The following HYCC1 variants were observed in gnomAD, a reference collection of about 807,000 sequenced individuals.
HYCC1 encodes hyccin PI4KA lipid kinase complex subunit 1, also known as hyccin.
At chr7:22,984,823 A>T in the HYCC1 span, among the ~76,000 whole-genome samples, 10 of 152,194 alleles carry the variant, frequency 6.6e-5, no homozygotes, top group Non-Finnish European at 1.5e-4. Context: ...AGAGAAAAAG[A>T]TATCCACACT....
the HYCC1 span, among the ~76,000 whole-genome samples, chr7:22,965,594 T>TAAAAAAAA: frequency 8.7e-6 from 1 of 114,706 alleles, no homozygotes; most frequent in Non-Finnish European, 1.9e-5. Context: ...ACATGGAAAC[T>TAAAAAAAA]AAAAAAAAAA....
the HYCC1 span, chr7:22,938,325 T>C: frequency 6.6e-6 from 1 of 152,232 alleles, no homozygotes; most frequent in Admixed American, 6.5e-5. Context: ...CCACTAATTC[T>C]GAACTATCAA....
At chr7:22,915,399 G>C in the HYCC1 span, among the ~76,000 whole-genome samples, 1 of 152,224 alleles carries the variant, frequency 6.6e-6, no homozygotes, top group African/African-American at 2.4e-5. Flanking sequence ...TCAAGTGCTG[G>C]AAATCTGGCC....
At chr7:22,948,391 C>T in the HYCC1 span, among the ~76,000 whole-genome samples, 1 of 152,054 alleles carries the variant, frequency 6.6e-6, no homozygotes, top group Non-Finnish European at 1.5e-5. Flanking sequence ...TACTGTGGTT[C>T]CCTAACTTAG....
At chr7:22,959,086 T>A in the HYCC1 span, among the ~76,000 whole-genome samples, 1 of 152,190 alleles carries the variant, frequency 6.6e-6, no homozygotes, top group African/African-American at 2.4e-5. Flanking sequence ...GAAGCTGAAG[T>A]ATGTTTAGAC....
At chr7:22,917,797 A>G in the HYCC1 span, among the ~76,000 whole-genome samples, 1 of 152,198 alleles carries the variant, frequency 6.6e-6, no homozygotes. Context: ...AAAGTGGATA[A>G]AAGATCTTCA....
chr7:22,941,028 T>C, the HYCC1 span: 1 of 152,120 alleles, frequency 6.6e-6, no homozygotes, highest in Non-Finnish European at 1.5e-5. Context: ...GCATGGCCCA[T>C]AGAGCTCATC....
At chr7:22,904,759 C>A in the HYCC1 span, among the ~76,000 whole-genome samples, 7 of 150,080 alleles carry the variant, frequency 4.7e-5, no homozygotes, top group African/African-American at 1.7e-4. Flanking sequence ...GCCTGGCCAA[C>A]ATGGTGAAAC....
the HYCC1 span, among the ~76,000 whole-genome samples, chr7:22,971,150 T>C: frequency 3.3e-5 from 5 of 151,544 alleles, no homozygotes; most frequent in Admixed American, 6.6e-5. Context: ...ATTGTTAATA[T>C]AGCCTCAGTT....
the HYCC1 span, among the ~76,000 whole-genome samples, chr7:22,927,303 G>C: frequency 1.8e-4 from 28 of 152,230 alleles, no homozygotes; most frequent in East Asian, 5.2e-3. Flanking sequence ...ACATTCAAAA[G>C]CTAGCAGAAG....
chr7:23,010,756 A>C, the HYCC1 span, among the ~76,000 whole-genome samples: 1 of 152,214 alleles, frequency 6.6e-6, no homozygotes, highest in Admixed American at 6.5e-5. Context: ...GGAAAACAAA[A>C]TTCTTTAAAG....
chr7:22,977,224 T>C, the HYCC1 span: 1 of 722,216 alleles, frequency 1.4e-6, no homozygotes, highest in East Asian at 2.7e-5. Flanking sequence ...TGTGGGTGTT[T>C]ATACTTTTGC....
At chr7:22,952,949 A>C in the HYCC1 span, among the ~76,000 whole-genome samples, 1 of 151,962 alleles carries the variant, frequency 6.6e-6, no homozygotes, top group East Asian at 1.9e-4. Context: ...GCATACAGAA[A>C]AACAGTCTGG....
At chr7:22,971,319 ATAT>A in the HYCC1 span, among the ~76,000 whole-genome samples, 3 of 148,460 alleles carry the variant, frequency 2.0e-5, no homozygotes, top group South Asian at 4.2e-4. Context: ...ATTACATATA[ATAT>A]TATTATCAGA....
the HYCC1 span, among the ~76,000 whole-genome samples, chr7:22,895,875 C>T: frequency 2.0e-5 from 3 of 152,178 alleles, no homozygotes; most frequent in African/African-American, 7.2e-5. Flanking sequence ...TGATGATTTC[C>T]TTATGTTGTA....
the HYCC1 span, among the ~76,000 whole-genome samples, chr7:22,973,073 T>C: frequency 1.3e-5 from 2 of 152,200 alleles, no homozygotes; most frequent in African/African-American, 2.4e-5. Context: ...ATCAACCAAA[T>C]TGAGCAGCAA....
At chr7:22,902,260 G>A in the HYCC1 span, among the ~76,000 whole-genome samples, 2 of 151,910 alleles carry the variant, frequency 1.3e-5, no homozygotes, top group Non-Finnish European at 2.9e-5. Flanking sequence ...AAAAATATAT[G>A]GGATGTGGGT....
chr7:22,981,996 C>G, the HYCC1 span, among the ~76,000 whole-genome samples: 5 of 152,190 alleles, frequency 3.3e-5, no homozygotes, highest in Admixed American at 1.3e-4. Flanking sequence ...TCTAGCCAAT[C>G]ATAAATTTAT....
chr7:23,000,730 G>C, the HYCC1 span, among the ~76,000 whole-genome samples: 2 of 152,062 alleles, frequency 1.3e-5, no homozygotes, highest in South Asian at 4.1e-4. Flanking sequence ...TGCAAGGAGA[G>C]ACTTAATAAG....
Sources: allele counts gnomAD v4.1 joint callset (sites outside exome capture counted in the v4.1 genomes callset), GRCh38; gene constraint gnomAD v4.1.1; transcripts MANE v1.5; gene names NCBI Gene and HGNC (gene_info 2026-07-23, HGNC 2026-07-21).